The following TLR5 variants were observed in gnomAD, a reference collection of about 807,000 sequenced individuals.
TLR5 encodes toll-like receptor 5.
For missense variants in TLR5, 944 were observed against 999.8 expected (o/e 0.94, Z 0.75); for synonymous variants, 373 against 384.4 (o/e 0.97, Z 0.35).
chr1:223,113,854 A>C (rs749794138), intron 5 of TLR5, among the ~76,000 whole-genome samples: 2 of 152,216 alleles, frequency 1.3e-5, no homozygotes, highest in Non-Finnish European at 2.9e-5. Context: ...AAACAGCAGG[A>C]AGAGACACAA....
intron 3 of TLR5, among the ~76,000 whole-genome samples, chr1:223,136,775 T>C (rs1657629941): frequency 6.6e-6 from 1 of 152,256 alleles, no homozygotes; most frequent in South Asian, 2.1e-4. Context: ...TCCCTTGCAA[T>C]ACTTTGCATG....
intron 1 of TLR5, among the ~76,000 whole-genome samples, chr1:223,142,881 C>G (rs1475215391): frequency 2.0e-5 from 3 of 152,164 alleles, no homozygotes; most frequent in Non-Finnish European, 4.4e-5. Context: ...AGGACCCGCT[C>G]TGTTTCAAAG....
At chr1:223,133,375 G>A (rs1465756770) in intron 4 of TLR5, among the ~76,000 whole-genome samples, 4 of 152,144 alleles carry the variant, frequency 2.6e-5, no homozygotes, top group African/African-American at 9.7e-5. Flanking sequence ...AAGCGAGCTC[G>A]GAACCTGAAA....
chr1:223,110,928 T>C lies in TLR5; in HGVS notation c.2104A>G (p.Lys702Glu), dbSNP rs1656289480. 1.9e-6 allele frequency: 3 copies of C among 1,614,248 alleles called. No individual in the cohort carries two copies. The East Asian group carries it at 6.7e-5, about 36-fold the overall frequency. Residue 702 changes from lysine to glutamate, a missense_variant, in exon 6 of 6, where the codon AAA (lysine) becomes GAA (glutamate). Transcript: ENST00000642603. ...GCATTCTGCACCCATGTGAAGTCTT[T>C]GCTGCTGAAGCACAAATAGGCATCA... ...KYDAYLCFSSKDFTWVQNALL... is the reference protein window; with the variant it reads ...KYDAYLCFSSEDFTWVQNALL...
intron 5 of TLR5, among the ~76,000 whole-genome samples, chr1:223,117,394 G>A (rs576111140): frequency 6.6e-6 from 1 of 151,906 alleles, no homozygotes; most frequent in African/African-American, 2.4e-5. Flanking sequence ...ACAGTGCACC[G>A]GTGGGCTGAA....
chr1:223,113,646 A>G (rs1656482354), intron 5 of TLR5, among the ~76,000 whole-genome samples: 1 of 152,172 alleles, frequency 6.6e-6, no homozygotes. Flanking sequence ...AAATATAGAG[A>G]TGGGGGTCTC....
At chr1:223,123,333 T>C (rs937187032) in intron 5 of TLR5, among the ~76,000 whole-genome samples, 2 of 152,192 alleles carry the variant, frequency 1.3e-5, no homozygotes, top group Admixed American at 6.5e-5. Context: ...GACCTTGAAT[T>C]TGTGGTAAAG....
intron 2 of TLR5, among the ~76,000 whole-genome samples, chr1:223,138,177 G>T (rs761248922): frequency 1.9e-4 from 28 of 146,052 alleles, no homozygotes; most frequent in Non-Finnish European, 3.6e-4. Context: ...TGCCCAGACT[G>T]GTCTTGAACT....
Position 223,111,118 on chromosome 1 carries a change from T to A in TLR5, c.1914A>T (p.Leu638=). The change falls in exon 6 of 6, where the codon CTA becomes CTT. Residue 638 remains leucine, a synonymous_variant. Coordinates refer to ENST00000642603, the MANE Select transcript of TLR5 (RefSeq NM_003268.6). ...GCDEEEVLKS[L]KFSLFIVCTV... ...TGCATACAATGAAAAGGGAGAACTT[T>A]AGGGACTTTAAGACTTCCTCTTCAT... The A allele has an allele frequency of 6.2e-7, 1 of 1,614,176 alleles. No homozygotes were observed. The highest frequency in any genetic ancestry group is 8.5e-7 in the Non-Finnish European group (1 of 1,180,022).
At position 223,133,871 on chromosome 1, in the gene TLR5, G is replaced by T. The variant is rs558702280; in HGVS notation, c.-170+811C>A. Among the ~76,000 whole-genome samples, 12 of 152,350 alleles carry T rather than the reference G, an allele frequency of 7.9e-5. 1 individual carries two copies. Among genetic ancestry groups the T allele is most frequent in the Non-Finnish European group, 1.5e-4 (10 of 68,040 alleles). On this transcript the variant is annotated intron_variant, in intron 4 of 5. Transcript: ENST00000642603. ...GGGCGCAAAAGGGGCAGGGACCGAG[G>T]GGGAGGAGCCCGCGGAGCCGCGGCC... is the stretch of plus-strand genomic sequence containing the variant.
intron 5 of TLR5, among the ~76,000 whole-genome samples, chr1:223,129,993 C>T (rs1000089772): frequency 1.3e-5 from 2 of 152,146 alleles, no homozygotes; most frequent in Admixed American, 1.3e-4. Flanking sequence ...TTAAGTGTAG[C>T]CTAAATTTCC....
rs1296466065 is a variant in TLR5 at position 223,110,822 on chromosome 1, C to A, written c.2210G>T (p.Gly737Val). ...CTGGATATTGGCAATGCGGTTTTCT[C>A]CTGGGACAAAGTCTCTTTCTTCAAA... is the stretch of plus-strand genomic sequence containing the variant. ...LCFEERDFVP[G>V]ENRIANIQDA... The change falls in exon 6 of 6, where the codon GGA becomes GTA. Residue 737 changes from glycine to valine, a missense_variant. Gly to Val is a moderately radical substitution (Grantham distance 109). Coordinates refer to ENST00000642603, the MANE Select transcript of TLR5 (RefSeq NM_003268.6). The A allele has an allele frequency of 8.1e-6, 13 of 1,614,226 alleles. No homozygotes were observed. The highest frequency in any genetic ancestry group is 1.1e-5 in the Non-Finnish European group (13 of 1,180,040).
intron 2 of TLR5, among the ~76,000 whole-genome samples, chr1:223,139,826 A>G (rs901728281): frequency 2.6e-5 from 4 of 152,198 alleles, no homozygotes; most frequent in South Asian, 2.1e-4. Context: ...AATTTATCCA[A>G]TCTGAGACTC....
At chr1:223,121,488 G>A (rs1488708846) in intron 5 of TLR5, among the ~76,000 whole-genome samples, 2 of 152,150 alleles carry the variant, frequency 1.3e-5, no homozygotes, top group Non-Finnish European at 2.9e-5. Flanking sequence ...GGAATTCTGC[G>A]AATCCTATGT....
intron 5 of TLR5, chr1:223,123,542 G>T (rs1488405774): frequency 6.6e-6 from 1 of 152,212 alleles, no homozygotes; most frequent in African/African-American, 2.4e-5. Context: ...GTACAGAAAG[G>T]CATGAAATAA....
Position 223,116,391 on chromosome 1 carries a change from G to A in TLR5, c.-4-3356C>T, listed in dbSNP as rs549687014. Among the ~76,000 whole-genome samples the A allele has an allele frequency of 2.3e-4, 35 of 152,166 alleles. No individual in the cohort carries two copies. In the South Asian group the frequency reaches 3.5e-3, roughly 15 times the overall value. ...AGTGTTACAGCTCTTAAGGTGGCGC[G>A]TCTGGAGTTGTTCATTCTTCCCATC... On this transcript the variant is annotated intron_variant, in intron 5 of 5. Coordinates refer to ENST00000642603, the MANE Select transcript of TLR5 (RefSeq NM_003268.6).
intron 5 of TLR5, among the ~76,000 whole-genome samples, chr1:223,118,368 G>A (rs552447653): frequency 6.1e-4 from 93 of 151,762 alleles, no homozygotes; most frequent in African/African-American, 8.7e-4. Flanking sequence ...CCAACATGGC[G>A]AAACCCCATC....
At chr1:223,133,298 T>G (rs1657465970) in intron 4 of TLR5, among the ~76,000 whole-genome samples, 1 of 152,210 alleles carries the variant, frequency 6.6e-6, no homozygotes. Flanking sequence ...CGCTGCAAAC[T>G]TAGTTGTCAC....
At chr1:223,121,817 TTG>T (rs1358222450) in intron 5 of TLR5, among the ~76,000 whole-genome samples, 11 of 152,200 alleles carry the variant, frequency 7.2e-5, no homozygotes, top group African/African-American at 2.7e-4. Context: ...TGGCCAGTGT[TTG>T]TTTCTTTTGT....
Sources: allele counts gnomAD v4.1 joint callset (sites outside exome capture counted in the v4.1 genomes callset), GRCh38; gene constraint gnomAD v4.1.1; transcripts MANE v1.5; gene names NCBI Gene and HGNC (gene_info 2026-07-23, HGNC 2026-07-21).